The following NAA11 variants were observed in gnomAD, a reference collection of about 807,000 sequenced individuals.
NAA11 encodes N-alpha-acetyltransferase 11.
NAA11 carries 15 observed loss-of-function variants against 16.1 expected under a neutral mutation model. That is an observed-to-expected ratio of 0.93 (90% CI 0.62 to 1.44). The LOEUF is 1.44. Among genes scored for constraint, NAA11 ranks in the 40% most tolerant of loss-of-function variants. The pLI is 0.00. For synonymous variants in NAA11, 122 were observed against 112.4 expected (o/e 1.09, Z -0.54); for missense variants, 298 against 291.3 (o/e 1.02, Z -0.17).
At chr4:79,256,998 GTATAT>G (rs1722128741) in intron 2 of NAA11, among the ~76,000 whole-genome samples, 1 of 151,824 alleles carries the variant, frequency 6.6e-6, no homozygotes, top group Admixed American at 6.6e-5. Flanking sequence ...ATTAATTCTA[GTATAT>G]TATATACATA....
At chr4:79,157,490 TAC>T in the NAA11 span, among the ~76,000 whole-genome samples, 8 of 151,836 alleles carry the variant, frequency 5.3e-5, no homozygotes, top group Non-Finnish European at 1.2e-4. Flanking sequence ...AATATATATA[TAC>T]ACACATATAT....
chr4:79,325,475 G>C lies in NAA11; in HGVS notation c.403C>G (p.Pro135Ala). 1 of 1,614,182 alleles carries C rather than the reference G, an allele frequency of 6.2e-7. No homozygotes were observed. The highest frequency in any genetic ancestry group is 8.5e-7 in the Non-Finnish European group (1 of 1,180,032). Residue 135 changes from proline to alanine, a missense_variant, in exon 1 of 2, where the codon CCT (proline) becomes GCT (alanine). By Grantham distance (27) the Pro-to-Ala change is conservative (BLOSUM62 -1). Coordinates refer to ENST00000286794, the MANE Select transcript of NAA11 (RefSeq NM_032693.3). ...TCTTCCCCATCTGCATAGTATTTAG[G>C]TTCCACCTCACTAATCTGAAAGTTG... ...TLNFQISEVE[P>A]KYYADGEDAY...
At chr4:79,292,918 G>C (rs1165643403) in intron 2 of NAA11, among the ~76,000 whole-genome samples, 1 of 152,018 alleles carries the variant, frequency 6.6e-6, no homozygotes, top group African/African-American at 2.4e-5. Flanking sequence ...TGTTGTTTTT[G>C]ATTAAAAAGA....
chr4:79,234,652 T>C (rs899624768), intron 2 of NAA11, among the ~76,000 whole-genome samples: 1 of 152,140 alleles, frequency 6.6e-6, no homozygotes, highest in Admixed American at 6.5e-5. Context: ...ATAAAACTTG[T>C]AGTTCCTAGA....
chr4:79,274,313 G>A (rs1302986887), intron 2 of NAA11, among the ~76,000 whole-genome samples: 1 of 151,998 alleles, frequency 6.6e-6, no homozygotes, highest in Non-Finnish European at 1.5e-5. Context: ...ACTGAGCTGT[G>A]AAGAACAAGA....
chr4:79,228,124 G>A (rs933594221), intron 2 of NAA11, among the ~76,000 whole-genome samples: 2 of 151,896 alleles, frequency 1.3e-5, no homozygotes, highest in East Asian at 3.9e-4. Context: ...GGTGCTGGCT[G>A]GCTGCCCTCT....
the NAA11 span, among the ~76,000 whole-genome samples, chr4:79,174,211 A>G: frequency 1.3e-5 from 2 of 152,194 alleles, no homozygotes; most frequent in Non-Finnish European, 2.9e-5. Context: ...GTTTTGAAGA[A>G]CAGTTAAAAT....
At chr4:79,179,127 C>T in the NAA11 span, among the ~76,000 whole-genome samples, 56 of 152,134 alleles carry the variant, frequency 3.7e-4, no homozygotes, top group Non-Finnish European at 7.1e-4. Context: ...AAGGTGAAAG[C>T]TCATGCTATT....
rs767234369 is a variant in NAA11, at chr4:79,325,491, C to T, written c.387G>A (p.Gln129=). 12 of 1,614,086 alleles carry T rather than the reference C, an allele frequency of 7.4e-6. No homozygotes were observed. In the Admixed American group the frequency reaches 2.0e-4, roughly 27 times the overall value. Residue 129 remains glutamine, a synonymous_variant, in exon 1 of 2, where the codon CAG becomes CAA. Transcript: ENST00000286794. ...AGTATTTAGGTTCCACCTCACTAAT[C>T]TGAAAGTTGAGGGTGTTAGAATAAA... is the stretch of plus-strand genomic sequence containing the variant. ...LHLYSNTLNF[Q]ISEVEPKYYA...
At chr4:79,239,987 A>T (rs2109960549) in intron 2 of NAA11, among the ~76,000 whole-genome samples, 1 of 152,250 alleles carries the variant, frequency 6.6e-6, no homozygotes, top group East Asian at 1.9e-4. Flanking sequence ...CTGAGTGCCT[A>T]ATCTGCTAAC....
the NAA11 span, among the ~76,000 whole-genome samples, chr4:79,172,443 A>G: frequency 1.3e-5 from 2 of 152,140 alleles, no homozygotes; most frequent in Non-Finnish European, 2.9e-5. Flanking sequence ...CACTTTAATT[A>G]TATGCTTTAA....
the NAA11 span, among the ~76,000 whole-genome samples, chr4:79,160,045 G>A: frequency 1.3e-5 from 2 of 149,010 alleles, no homozygotes; most frequent in East Asian, 2.0e-4. Context: ...AGGCTGGAGT[G>A]CAATGGTGCA....
At chr4:79,248,180 G>A (rs1241187705) in intron 2 of NAA11, among the ~76,000 whole-genome samples, 1 of 152,034 alleles carries the variant, frequency 6.6e-6, no homozygotes, top group African/African-American at 2.4e-5. Flanking sequence ...GCCTCCCTGG[G>A]GCCCACATCA....
chr4:79,222,602 A>C (rs1367419655), downstream of NAA11, among the ~76,000 whole-genome samples: 8 of 147,804 alleles, frequency 5.4e-5, no homozygotes, highest in African/African-American at 1.8e-4. Flanking sequence ...TTCATGTCTA[A>C]AACACCAAAA....
chr4:79,320,678 C>A (rs1724064289), intron 1 of NAA11, among the ~76,000 whole-genome samples: 1 of 152,160 alleles, frequency 6.6e-6, no homozygotes, highest in Non-Finnish European at 1.5e-5. Flanking sequence ...ATTTTTATTA[C>A]CATTTTTTAG....
the NAA11 span, among the ~76,000 whole-genome samples, chr4:79,159,532 T>A: frequency 6.6e-6 from 1 of 152,244 alleles, no homozygotes; most frequent in Non-Finnish European, 1.5e-5. Flanking sequence ...TGATTTTTAA[T>A]GTATTCACAA....
the NAA11 span, among the ~76,000 whole-genome samples, chr4:79,206,511 A>G: frequency 6.6e-6 from 1 of 152,076 alleles, no homozygotes; most frequent in Admixed American, 6.6e-5. Flanking sequence ...AGCGCCCACA[A>G]TTTAGCCTAA....
At chr4:79,256,307 T>C (rs1301177447) in intron 2 of NAA11, among the ~76,000 whole-genome samples, 1 of 152,096 alleles carries the variant, frequency 6.6e-6, no homozygotes, top group Non-Finnish European at 1.5e-5. Context: ...ATTTCTCCTG[T>C]ATGAAAAAAG....
At chr4:79,258,661 G>A (rs1207223130) in intron 2 of NAA11, 1 of 152,402 alleles carries the variant, frequency 6.6e-6, no homozygotes, top group Non-Finnish European at 1.5e-5. Flanking sequence ...GCAGGAGGTA[G>A]ACAGGGTCCT....
Sources: gnomAD v4.1 joint callset for allele counts (sites outside exome capture counted in the v4.1 genomes callset) on GRCh38, gnomAD v4.1.1 for gene constraint, MANE v1.5 for transcripts, NCBI Gene and HGNC (gene_info 2026-07-23, HGNC 2026-07-21) for gene names.